OSBPL3: variants seen among roughly 807,000 people sequenced by gnomAD.
The protein encoded by OSBPL3 is oxysterol-binding protein-related protein 3.
OSBPL3 carries 65 observed loss-of-function variants against 120.1 expected under a neutral mutation model. The ratio of observed to expected loss-of-function variants is 0.54; its 90% CI spans 0.44 to 0.67. OSBPL3 has a LOEUF of 0.67. Ranked by LOEUF, OSBPL3 falls within the 30% of genes least tolerant of loss-of-function variation. OSBPL3 has a pLI of 0.00. For synonymous variants in OSBPL3, 416 were observed against 402.6 expected (o/e 1.03, Z -0.40); for missense variants, 1,004 against 1,082.1 (o/e 0.93, Z 1.01).
At chr7:24,941,111 A>G (rs991534836) in intron 1 of OSBPL3, among the ~76,000 whole-genome samples, 2 of 152,078 alleles carry the variant, frequency 1.3e-5, no homozygotes, top group Admixed American at 6.5e-5. Context: ...GAGCCACCGC[A>G]CCCGGCCAAC....
chr7:24,927,089 T>G (rs1245814827), intron 1 of OSBPL3, among the ~76,000 whole-genome samples: 2 of 152,200 alleles, frequency 1.3e-5, no homozygotes, highest in African/African-American at 4.8e-5. Flanking sequence ...AGAAAATGCT[T>G]GGGGATCTTT....
chr7:24,868,858 C>G (rs549388490), intron 5 of OSBPL3, among the ~76,000 whole-genome samples: 1 of 152,300 alleles, frequency 6.6e-6, no homozygotes, highest in South Asian at 2.1e-4. Flanking sequence ...TGCCCAAGCA[C>G]TCATCTGGAC....
Position 24,821,356 on chromosome 7 carries a change from T to C in OSBPL3, c.1885-1118A>G, listed in dbSNP as rs1465403654. Among the ~76,000 whole-genome samples, 3 of 152,328 alleles carry C rather than the reference T, an allele frequency of 2.0e-5. No homozygotes were observed. In the East Asian group the frequency reaches 5.8e-4, roughly 29 times the overall value. On this transcript the variant is annotated intron_variant, in intron 16 of 22. Coordinates refer to ENST00000313367, the MANE Select transcript of OSBPL3 (RefSeq NM_015550.4). The surrounding 1 kb of genome is among the most constrained non-coding windows in gnomAD (Gnocchi z 5.5). ...TGCAAAAAGAAGAAAAAAAATGTTT[T>C]AAGCAGCTGTACAGTTTTCAGACCC...
chr7:24,907,786 C>A (rs555577868), intron 1 of OSBPL3, among the ~76,000 whole-genome samples: 2 of 152,298 alleles, frequency 1.3e-5, no homozygotes, highest in Non-Finnish European at 2.9e-5. Flanking sequence ...GTATTAGTCA[C>A]GTTTCCTGCA....
At chr7:24,979,086 A>G (rs1402339049) in intron 1 of OSBPL3, among the ~76,000 whole-genome samples, 2 of 152,186 alleles carry the variant, frequency 1.3e-5, no homozygotes, top group African/African-American at 4.8e-5. Flanking sequence ...GACAGTACTT[A>G]AAGAATTTAC....
At chr7:24,944,753 TACC>T (rs1813521644) in intron 1 of OSBPL3, among the ~76,000 whole-genome samples, 1 of 152,244 alleles carries the variant, frequency 6.6e-6, no homozygotes, top group Non-Finnish European at 1.5e-5. Flanking sequence ...CAAAGGTTTG[TACC>T]ACAATATGGT....
Position 24,830,903 on chromosome 7 carries a change from T to C in OSBPL3, c.1749A>G (p.Val583=), listed in dbSNP as rs1459476189. 5 of 1,605,256 alleles carry C rather than the reference T, an allele frequency of 3.1e-6. No homozygotes were observed. The highest frequency in any genetic ancestry group is 2.3e-5 in the South Asian group (2 of 88,684). Residue 583 remains valine, a splice_region_variant and synonymous_variant, in exon 16 of 23, where the codon GTA becomes GTG. Coordinates refer to ENST00000313367, the MANE Select transcript of OSBPL3 (RefSeq NM_015550.4). This position sits in a 1 kb window ranked among gnomAD's most constrained non-coding sequence, Gnocchi z 4.4. ...CTGATATGGCAAAGGCTGCCACATA[T>C]ACCTAAGGACAAGAGAAAAGAACTT... ...AQIPSPLERM[V]YVAAFAISAY...
rs1344585440 is a variant in OSBPL3, at chr7:24,808,615, T to C, written c.2317+1192A>G. Among the ~76,000 whole-genome samples the C allele has an allele frequency of 6.6e-6, 1 of 152,218 alleles. No homozygotes were observed. The highest frequency in any genetic ancestry group is 1.5e-5 in the Non-Finnish European group (1 of 68,034). The stretch of plus-strand genomic sequence containing the variant: ...GCAACCTCTGCAACAGTGGGAGATG[T>C]GGCAGCTACCCATTGAAAGGGCCAC... On this transcript the variant is annotated intron_variant, in intron 20 of 22. Coordinates refer to ENST00000313367, the MANE Select transcript of OSBPL3 (RefSeq NM_015550.4). This position sits in a 1 kb window ranked among gnomAD's most constrained non-coding sequence, Gnocchi z 4.6.
intron 1 of OSBPL3, among the ~76,000 whole-genome samples, chr7:24,960,848 C>T (rs143464713): frequency 6.6e-6 from 1 of 152,138 alleles, no homozygotes. Flanking sequence ...GTACATAGTC[C>T]CTCCAAAAAG....
In OSBPL3 at chr7:24,871,599, C is replaced by G; in HGVS notation, c.267+143G>C. 1.5e-6 allele frequency: 1 copy of G among 661,218 alleles called. No individual in the cohort carries two copies. Among genetic ancestry groups the G allele is most frequent in the South Asian group, 2.0e-5 (1 of 50,250 alleles). 41.0% of individuals were successfully genotyped at this position (661,218 alleles called of 1,614,324 possible). On this transcript the variant is annotated intron_variant, in intron 4 of 22. Transcript: ENST00000313367. The surrounding 1 kb of genome is among the most constrained non-coding windows in gnomAD (Gnocchi z 4.8). ...GGAAGAACTGAGCCTGCCTGGAACC[C>G]AGAGCTCAGACAGAAGTGTTTCCCC...
Position 24,799,282 on chromosome 7 carries a change from CTG to C in OSBPL3, c.*899_*900del, listed in dbSNP as rs1415081510. ...AAGTCAAACTGCTGTGTGGAATAAACTGTATGTTTTATATTAAACTGGGACAT... is the reference window on the plus strand; with the variant it reads ...AAGTCAAACTGCTGTGTGGAATAAACTATGTTTTATATTAAACTGGGACAT... On this transcript the variant is annotated 3_prime_UTR_variant, in exon 23 of 23. Transcript: ENST00000313367. This position sits in a 1 kb window ranked among gnomAD's most constrained non-coding sequence, Gnocchi z 5.3. The C allele has an allele frequency of 6.6e-6, 1 of 152,526 alleles. No individual in the cohort carries two copies. Among genetic ancestry groups the C allele is most frequent in the African/African-American group, 2.4e-5 (1 of 41,420 alleles). The allele number at this position is 152,526 out of a possible 1,614,324, so 9.4% of individuals were successfully genotyped here.
In OSBPL3 at chr7:24,820,427, A is replaced by G. The variant is rs570480249; in HGVS notation, c.1885-189T>C. Reference sequence around the variant, plus strand: ...TGATACAGTCAGCTCCCACTTGCTCAGATTGGTCAAGGCTGAGGGGAAGGC... The same window carrying G: ...TGATACAGTCAGCTCCCACTTGCTCGGATTGGTCAAGGCTGAGGGGAAGGC... On this transcript the variant is annotated intron_variant, in intron 16 of 22. Coordinates refer to ENST00000313367, the MANE Select transcript of OSBPL3 (RefSeq NM_015550.4). The surrounding 1 kb of genome is among the most constrained non-coding windows in gnomAD (Gnocchi z 4.6). Among the ~76,000 whole-genome samples the G allele has an allele frequency of 1.3e-5, 2 of 152,298 alleles. No individual in the cohort carries two copies. Among genetic ancestry groups the G allele is most frequent in the Admixed American group, 6.5e-5 (1 of 15,300 alleles).
At chr7:24,814,626 T>C (rs1277126943) in intron 19 of OSBPL3, among the ~76,000 whole-genome samples, 1 of 152,152 alleles carries the variant, frequency 6.6e-6, no homozygotes, top group African/African-American at 2.4e-5. Context: ...TCTATACCCA[T>C]TCAACACTAA....
intron 1 of OSBPL3, among the ~76,000 whole-genome samples, chr7:24,951,413 A>G (rs566147901): frequency 6.6e-6 from 1 of 152,354 alleles, no homozygotes; most frequent in Admixed American, 6.5e-5. Flanking sequence ...GAAAAATGAA[A>G]AAGGTGAACC....
At chr7:24,910,863 C>A (rs1808724677) in intron 1 of OSBPL3, among the ~76,000 whole-genome samples, 1 of 152,150 alleles carries the variant, frequency 6.6e-6, no homozygotes, top group African/African-American at 2.4e-5. Flanking sequence ...GGGAGGGGCA[C>A]CTCCTGCAAC....
At chr7:24,904,241 C>G (rs1407334142) in intron 1 of OSBPL3, among the ~76,000 whole-genome samples, 9 of 152,010 alleles carry the variant, frequency 5.9e-5, no homozygotes, top group Non-Finnish European at 1.3e-4. Context: ...CTAACAAAGA[C>G]AGTAGTTTTG....
At chr7:24,923,560 A>C (rs1810668968) in intron 1 of OSBPL3, among the ~76,000 whole-genome samples, 1 of 152,208 alleles carries the variant, frequency 6.6e-6, no homozygotes, top group South Asian at 2.1e-4. Context: ...ATGGGACGGC[A>C]GGGCAGAGAG....
chr7:24,952,899 G>T lies in OSBPL3; in HGVS notation c.-150+26987C>A, dbSNP rs1411277762. Among the ~76,000 whole-genome samples the T allele has an allele frequency of 6.6e-6, 1 of 152,158 alleles. No individual in the cohort carries two copies. Among genetic ancestry groups the T allele is most frequent in the African/African-American group, 2.4e-5 (1 of 41,430 alleles). Reference sequence around the variant, plus strand: ...GCCTGTAATCTCAGCACTTTAGGGGGCAGAGGTGGTAGGATCCCTGGAGCC... The same window carrying T: ...GCCTGTAATCTCAGCACTTTAGGGGTCAGAGGTGGTAGGATCCCTGGAGCC... On this transcript the variant is annotated intron_variant, in intron 1 of 22. Coordinates refer to ENST00000313367, the MANE Select transcript of OSBPL3 (RefSeq NM_015550.4). The surrounding 1 kb of genome is among the most constrained non-coding windows in gnomAD (Gnocchi z 4.4).
chr7:24,888,057 G>A (rs1804791843), intron 2 of OSBPL3, among the ~76,000 whole-genome samples: 1 of 152,060 alleles, frequency 6.6e-6, no homozygotes, highest in Admixed American at 6.6e-5. Context: ...TATTTTAAAA[G>A]TATATATTCA....
Sources: allele counts gnomAD v4.1 joint callset (sites outside exome capture counted in the v4.1 genomes callset), GRCh38; gene constraint gnomAD v4.1.1; non-coding constraint Gnocchi (gnomAD v3.1); transcripts MANE v1.5; gene names NCBI Gene and HGNC (gene_info 2026-07-23, HGNC 2026-07-21).